Variants in CD226 observed in about 807,000 individuals in gnomAD.
CD226 encodes the protein CD226 antigen.
A neutral mutation model predicts 34.9 loss-of-function variants in CD226; 24 were observed. That is an observed-to-expected ratio of 0.69 (90% CI 0.50 to 0.97). CD226 has a LOEUF of 0.97. Among genes scored for constraint, CD226 ranks in the 50% least tolerant of loss-of-function variants. CD226 has a pLI of 0.00. For synonymous variants in CD226, 148 were observed against 147.4 expected, an observed-to-expected ratio of 1.00 and a Z score of -0.03; for missense variants, 397 against 412.7, an observed-to-expected ratio of 0.96 and a Z score of 0.33.
intron 3 of CD226, among the ~76,000 whole-genome samples, chr18:69,881,146 C>T (rs1052823846): frequency 1.3e-5 from 2 of 152,156 alleles, no homozygotes; most frequent in Non-Finnish European, 2.9e-5. Flanking sequence ...CCAAAATATG[C>T]ACAAATATTA....
At chr18:69,927,377 CACACACACACAA>C (rs1183506644) in intron 2 of CD226, among the ~76,000 whole-genome samples, 1 of 151,344 alleles carries the variant, frequency 6.6e-6, no homozygotes, top group African/African-American at 2.4e-5. Context: ...CACACACACA[CACACACACACAA>C]ACACACACAC....
chr18:69,896,084 A>G (rs1262846194), intron 2 of CD226, 39 bp from the exon 3 acceptor site: 3 of 1,569,590 alleles, frequency 1.9e-6, no homozygotes, highest in Non-Finnish European at 2.6e-6. Context: ...CAGGTTGTCA[A>G]ATTTTGGGAC....
At position 69,886,398 on chromosome 18, in the gene CD226, T is replaced by C. The variant is rs1610776; in HGVS notation, c.727+9303A>G. Among the ~76,000 whole-genome samples the C allele has an allele frequency of 3.6e-3, 544 of 152,294 alleles. 4 individuals carry two copies. Among genetic ancestry groups the C allele is most frequent in the African/African-American group, 0.012 (516 of 41,562 alleles). On this transcript the variant is annotated intron_variant, in intron 3 of 5. Coordinates refer to ENST00000582621, the MANE Select transcript of CD226 (RefSeq NM_001303618.2). ...GAACAGCTACTTATAACTCTTTCCT[T>C]GGGTCCTTAGAAAACTTCAAAATGT...
chr18:69,879,321 C>T (rs1984070087), intron 3 of CD226, among the ~76,000 whole-genome samples: 1 of 152,108 alleles, frequency 6.6e-6, no homozygotes. Context: ...ATGTTTCATC[C>T]CTTATCTGCA....
In CD226 at chr18:69,885,655, G is replaced by A. The variant is rs560988573; in HGVS notation, c.727+10046C>T. On this transcript the variant is annotated intron_variant, in intron 3 of 5. Coordinates refer to ENST00000582621, the MANE Select transcript of CD226 (RefSeq NM_001303618.2). ...TGAGCCATCACCAGGTCTCCTTTGC[G>A]CAGAGGCTACTCCTAAAGTTCCCCT... is the stretch of plus-strand genomic sequence containing the variant. 2.6e-5 allele frequency among the ~76,000 whole-genome samples: 4 copies of A among 152,210 alleles called. No homozygotes were observed. The East Asian group carries it at 5.8e-4, about 22-fold the overall frequency.
chr18:69,941,434 T>C (rs1340025178), intron 2 of CD226, among the ~76,000 whole-genome samples: 1 of 152,144 alleles, frequency 6.6e-6, no homozygotes, highest in East Asian at 1.9e-4. Flanking sequence ...GCCAGAGGGG[T>C]GGAGCTGCCC....
intron 2 of CD226, among the ~76,000 whole-genome samples, chr18:69,930,835 T>G (rs2055580483): frequency 1.3e-5 from 2 of 152,162 alleles, no homozygotes; most frequent in African/African-American, 4.8e-5. Flanking sequence ...GTAATCCAGG[T>G]TTCGACTCCT....
intron 3 of CD226, among the ~76,000 whole-genome samples, chr18:69,893,367 T>C (rs956982189): frequency 1.3e-5 from 2 of 152,224 alleles, no homozygotes; most frequent in African/African-American, 4.8e-5. Context: ...TTAGTCATCT[T>C]TGGACAGATG....
At chr18:69,922,237 T>C (rs1223704731) in intron 2 of CD226, among the ~76,000 whole-genome samples, 1 of 152,214 alleles carries the variant, frequency 6.6e-6, no homozygotes, top group Non-Finnish European at 1.5e-5. Flanking sequence ...AATGATTTCA[T>C]TGTCAAGAAG....
At chr18:69,929,600 G>A (rs1032161444) in intron 2 of CD226, among the ~76,000 whole-genome samples, 5 of 152,090 alleles carry the variant, frequency 3.3e-5, no homozygotes, top group African/African-American at 1.2e-4. Context: ...AGCTCTCTGT[G>A]CATACTCGTA....
intron 2 of CD226, among the ~76,000 whole-genome samples, chr18:69,941,005 C>A (rs1400849553): frequency 4.6e-5 from 7 of 152,194 alleles, no homozygotes; most frequent in Non-Finnish European, 5.9e-5. Flanking sequence ...CTAAAAGGGG[C>A]CAACATACAG....
chr18:69,907,176 T>C (rs975270742), intron 2 of CD226, among the ~76,000 whole-genome samples: 22 of 152,192 alleles, frequency 1.4e-4, no homozygotes, highest in Non-Finnish European at 7.3e-5. Flanking sequence ...TAATGGGTCC[T>C]TTTCACATTT....
intron 2 of CD226, 112 bp downstream of exon 2, chr18:69,946,622 G>A: frequency 2.8e-6 from 2 of 720,738 alleles, no homozygotes. Flanking sequence ...TGGAATTGGA[G>A]AATGCCACAG....
chr18:69,920,503 A>G (rs1403139618), intron 2 of CD226, among the ~76,000 whole-genome samples: 1 of 152,192 alleles, frequency 6.6e-6, no homozygotes, highest in African/African-American at 2.4e-5. Flanking sequence ...TCTCCTTTTT[A>G]CTTACATGAA....
rs1169252248 is a variant in CD226 at position 69,936,685 on chromosome 18, C to A, written c.382+10049G>T. Among the ~76,000 whole-genome samples, 5 of 152,258 alleles carry A rather than the reference C, an allele frequency of 3.3e-5. No individual in the cohort carries two copies. In the South Asian group the frequency reaches 1.0e-3, roughly 32 times the overall value. ...AAAACCTTTATGACTTATTTCTAAT[C>A]TCACCAGAATGGGCCTGAAGAGAGA... is the stretch of plus-strand genomic sequence containing the variant. On this transcript the variant is annotated intron_variant, in intron 2 of 5. Coordinates refer to ENST00000582621, the MANE Select transcript of CD226 (RefSeq NM_001303618.2).
chr18:69,921,404 CATCCT>C (rs2055449410), intron 2 of CD226, among the ~76,000 whole-genome samples: 1 of 152,152 alleles, frequency 6.6e-6, no homozygotes, highest in African/African-American at 2.4e-5. Flanking sequence ...GCGCAGTTTG[CATCCT>C]ATCCTATCTG....
At position 69,856,481 on chromosome 18, in the gene CD226, A is replaced by G. The variant is rs1982613423; in HGVS notation, c.*7833T>C. 1 of 152,218 alleles carries G rather than the reference A, an allele frequency of 6.6e-6. No individual in the cohort carries two copies. The highest frequency in any genetic ancestry group is 2.4e-5 in the African/African-American group (1 of 41,456). The allele number at this position is 152,218 out of a possible 1,614,324, so 9.4% of individuals were successfully genotyped here. On this transcript the variant is annotated 3_prime_UTR_variant, in exon 6 of 6. Transcript: ENST00000582621. ...TTAATCTAATGGACATTTGTAGAAT[A>G]TTACACTCAACAGCAGAATGAACAT...
rs79693208 is a variant in CD226 at position 69,861,977 on chromosome 18, T to C, written c.*2337A>G. The C allele has an allele frequency of 1.9e-4, 29 of 152,162 alleles. 1 individual carries two copies. In the East Asian group the frequency reaches 5.4e-3, roughly 28 times the overall value. 9.4% of individuals were successfully genotyped at this position (152,162 alleles called of 1,614,324 possible). On this transcript the variant is annotated 3_prime_UTR_variant, in exon 6 of 6. Coordinates refer to ENST00000582621, the MANE Select transcript of CD226 (RefSeq NM_001303618.2). ...CCCTACACTCTGTAGAGGAAGAATA[T>C]ATAGAGAAGAAAGGACAGAGTAAAT...
At chr18:69,946,709 A>T (rs777529533) in intron 2 of CD226, 25 bp downstream of exon 2, 70 of 499,692 alleles carry the variant, frequency 1.4e-4, no homozygotes, top group Middle Eastern at 3.9e-4. Context: ...AAAGGGATTT[A>T]AAAAAAAAAA....
Sources: allele counts gnomAD v4.1 joint callset (sites outside exome capture counted in the v4.1 genomes callset), GRCh38; gene constraint gnomAD v4.1.1; transcripts MANE v1.5; gene names NCBI Gene and HGNC (gene_info 2026-07-23, HGNC 2026-07-21).